IL18R1: variants seen among roughly 807,000 people sequenced by gnomAD.
The protein encoded by IL18R1 is interleukin 18 receptor 1.
Under a neutral mutation model 48.5 loss-of-function variants are expected in IL18R1, and 40 were observed. The ratio of observed to expected loss-of-function variants is 0.82; its 90% CI spans 0.64 to 1.07. The LOEUF (loss-of-function observed/expected upper bound fraction) is 1.07, where lower values mean the gene tolerates loss of function less well. Among genes scored for constraint, IL18R1 ranks in the 50% least tolerant of loss-of-function variants. The pLI, the probability that IL18R1 is intolerant of heterozygous loss-of-function variation, is 0.00. For synonymous variants in IL18R1, 232 were observed against 225.9 expected (o/e 1.03, Z -0.24); for missense variants, 596 against 633.7 (o/e 0.94, Z 0.64).
At chr2:102,393,202 G>A (rs6732138) in intron 9 of IL18R1, among the ~76,000 whole-genome samples, 81,266 of 151,974 alleles carry the variant, frequency 0.53, 23,577 homozygotes, top group African/African-American at 0.73. Context: ...AACCCTAGTG[G>A]AAGCACTAGC....
At chr2:102,391,834 TA>T (rs1257431013) in intron 9 of IL18R1, among the ~76,000 whole-genome samples, 1 of 152,244 alleles carries the variant, frequency 6.6e-6, no homozygotes, top group Non-Finnish European at 1.5e-5. Context: ...TTCATTTGCA[TA>T]AGGCTCAGCT....
intron 5 of IL18R1, among the ~76,000 whole-genome samples, chr2:102,379,782 C>T (rs1298813148): frequency 1.3e-5 from 2 of 152,154 alleles, no homozygotes; most frequent in African/African-American, 2.4e-5. Context: ...GGTTCTATGG[C>T]TTACTTTGGG....
chr2:102,380,210 C>T (rs959187295), intron 5 of IL18R1, among the ~76,000 whole-genome samples: 5 of 152,194 alleles, frequency 3.3e-5, no homozygotes, highest in African/African-American at 1.2e-4. Context: ...CCATGACCTA[C>T]ATGGGACTGC....
chr2:102,361,860 G>T (rs1678594015), intron 1 of IL18R1, among the ~76,000 whole-genome samples: 1 of 152,208 alleles, frequency 6.6e-6, no homozygotes, highest in Non-Finnish European at 1.5e-5. Context: ...ATGCTAGGTT[G>T]CAGTAGGATC....
intron 5 of IL18R1, among the ~76,000 whole-genome samples, chr2:102,380,469 G>A (rs1223126242): frequency 6.6e-6 from 1 of 152,146 alleles, no homozygotes; most frequent in Non-Finnish European, 1.5e-5. Flanking sequence ...GCTTCTTACT[G>A]TCAGACCTGA....
chr2:102,375,949 A>G lies in IL18R1; in HGVS notation c.511A>G (p.Ile171Val). 1 of 1,604,240 alleles carries G rather than the reference A, an allele frequency of 6.2e-7. No individual in the cohort carries two copies. Among genetic ancestry groups the G allele is most frequent in the Non-Finnish European group, 8.5e-7 (1 of 1,177,004 alleles). ...LLLENNKNPT[I>V]KKNAEFEDQG... is the part of the protein sequence containing the mutation. ...ACTGGAGAACAATAAAAACCCAACG[A>G]TAAAGAAGAACGCCGAGTTTGAAGA... The change falls in exon 5 of 11, where the codon ATA (isoleucine) becomes GTA (valine). Residue 171 changes from isoleucine (I) to valine (V), a missense_variant. Around this residue, in one of 3 missense-constraint regions of IL18R1, gnomAD observed 360 missense variants for 339.4 expected, o/e 1.06. Coordinates refer to ENST00000233957, the MANE Select transcript of IL18R1 (RefSeq NM_003855.5).
At chr2:102,369,269 A>G (rs1679102562) in intron 3 of IL18R1, among the ~76,000 whole-genome samples, 1 of 152,226 alleles carries the variant, frequency 6.6e-6, no homozygotes, top group South Asian at 2.1e-4. Context: ...GGCCTGAGAG[A>G]GCACGTTGAG....
At chr2:102,367,120 A>C (rs1185512084) in intron 2 of IL18R1, among the ~76,000 whole-genome samples, 1 of 152,190 alleles carries the variant, frequency 6.6e-6, no homozygotes, top group Non-Finnish European at 1.5e-5. Flanking sequence ...GGGAACGAGC[A>C]CCTATCCTGG....
Position 102,362,716 on chromosome 2 carries a change from C to A in IL18R1, c.56C>A (p.Ala19Glu). Residue 19 changes from alanine to glutamate, a missense_variant and splice_region_variant, in exon 2 of 11, where the codon GCA becomes GAA. Physicochemically the swap from Ala to Glu is moderately radical, Grantham distance 107. Around this residue, in one of 3 missense-constraint regions of IL18R1, gnomAD observed 360 missense variants for 339.4 expected, o/e 1.06. Coordinates refer to ENST00000233957, the MANE Select transcript of IL18R1 (RefSeq NM_003855.5). ...TLWVLISVST[A>E]ESCTSRPHIT... Reference sequence around the variant, plus strand: ...TGGGTGCTTATATCTGTAAGCACTGCAGGTAAGTGATTATACATACTCTCA... The same window carrying A: ...TGGGTGCTTATATCTGTAAGCACTGAAGGTAAGTGATTATACATACTCTCA... 1.3e-6 allele frequency: 2 copies of A among 1,562,794 alleles called. No individual in the cohort carries two copies. Among genetic ancestry groups the A allele is most frequent in the Non-Finnish European group, 1.8e-6 (2 of 1,139,972 alleles).
At chr2:102,384,839 GT>G in intron 6 of IL18R1, 38 bp from the exon 7 acceptor site, 1 of 1,601,748 alleles carries the variant, frequency 6.2e-7, no homozygotes, top group South Asian at 1.1e-5. Flanking sequence ...AGAAACCTGA[GT>G]TTCAAAAATC....
chr2:102,383,768 G>A (rs1374204973), intron 6 of IL18R1, among the ~76,000 whole-genome samples: 1 of 151,872 alleles, frequency 6.6e-6, no homozygotes, highest in Non-Finnish European at 1.5e-5. Flanking sequence ...TACTGTTACA[G>A]TTGCTATATC....
chr2:102,379,956 C>T (rs917441429), intron 5 of IL18R1, among the ~76,000 whole-genome samples: 10 of 152,154 alleles, frequency 6.6e-5, no homozygotes, highest in Admixed American at 2.0e-4. Context: ...AGTACTCAGC[C>T]TGCCAAAACA....
chr2:102,387,159 C>G (rs1680282315), intron 8 of IL18R1, among the ~76,000 whole-genome samples, 159 bp downstream of exon 8: 1 of 152,182 alleles, frequency 6.6e-6, no homozygotes. Flanking sequence ...GCCCCTCTGT[C>G]TCATGATGCC....
At chr2:102,365,044 C>A (rs1023264810) in intron 2 of IL18R1, among the ~76,000 whole-genome samples, 2 of 152,082 alleles carry the variant, frequency 1.3e-5, no homozygotes, top group African/African-American at 4.8e-5. Flanking sequence ...CAAATCATAT[C>A]ATTCCACCCC....
chr2:102,376,119 T>C (rs1679571521), intron 5 of IL18R1, 56 bp downstream of exon 5: 39 of 1,421,320 alleles, frequency 2.7e-5, no homozygotes, highest in Non-Finnish European at 3.7e-5. Context: ...AAATGGAATT[T>C]TTTCATTCTT....
intron 5 of IL18R1, among the ~76,000 whole-genome samples, chr2:102,378,235 T>C (rs1466017283): frequency 1.3e-5 from 2 of 152,208 alleles, no homozygotes; most frequent in Non-Finnish European, 2.9e-5. Context: ...TCATGTCATA[T>C]AATCCTCACA....
chr2:102,367,511 T>A (rs1678976226), intron 2 of IL18R1, among the ~76,000 whole-genome samples: 1 of 152,350 alleles, frequency 6.6e-6, no homozygotes, highest in Non-Finnish European at 1.5e-5. Context: ...GAAGTTGTAA[T>A]GTGTAATATT....
At chr2:102,373,604 A>G (rs576767213) in intron 4 of IL18R1, among the ~76,000 whole-genome samples, 2 of 143,238 alleles carry the variant, frequency 1.4e-5, no homozygotes, top group Admixed American at 1.4e-4. Context: ...CAGAACTTAA[A>G]GTATAATAAA....
intron 1 of IL18R1, among the ~76,000 whole-genome samples, chr2:102,361,947 C>G (rs1678599650): frequency 1.3e-5 from 2 of 152,168 alleles, no homozygotes; most frequent in Non-Finnish European, 2.9e-5. Flanking sequence ...GAGACTGTCA[C>G]TTCATCTCTC....
Sources: gnomAD v4.1 joint callset for allele counts (sites outside exome capture counted in the v4.1 genomes callset) on GRCh38, gnomAD v4.1.1 for gene constraint, gnomAD v4.1.1 regional missense constraint, MANE v1.5 for transcripts, NCBI Gene and HGNC (gene_info 2026-07-23, HGNC 2026-07-21) for gene names.